ELMO1: variants seen among roughly 807,000 people sequenced by gnomAD.
ELMO1 encodes engulfment and cell motility 1, also known as engulfment and cell motility protein 1.
In ELMO1, 26 loss-of-function variants were observed where a neutral mutation model predicts 98.9. The ratio of observed to expected loss-of-function variants is 0.26; its 90% CI spans 0.19 to 0.36. The LOEUF is 0.36. ELMO1 is among the 10% of genes least tolerant of loss of function. The pLI is 1.00. For missense variants in ELMO1, 627 were observed against 935.2 expected, an observed-to-expected ratio of 0.67 and a Z score of 4.30; for synonymous variants, 346 against 346.0, an observed-to-expected ratio of 1.00 and a Z score of 0.00.
At chr7:37,335,130 G>T (rs1035977679) in intron 2 of ELMO1, among the ~76,000 whole-genome samples, 3 of 152,114 alleles carry the variant, frequency 2.0e-5, no homozygotes, top group Non-Finnish European at 4.4e-5. Flanking sequence ...CGTTACGTGT[G>T]AAATATATTA....
At position 37,067,814 on chromosome 7, in the gene ELMO1, CAT is replaced by C. The variant is rs1797065368; in HGVS notation, c.1300+28803_1300+28804del. Among the ~76,000 whole-genome samples the C allele has an allele frequency of 2.6e-5, 4 of 151,966 alleles. No individual in the cohort carries two copies. The South Asian group carries it at 8.3e-4, about 32-fold the overall frequency. ...AAAAAAAAGCTTCTTTGAAAGAACT[CAT>C]GTGGCTAATAAATGTGTTCTTGAAG... On this transcript the variant is annotated intron_variant, in intron 15 of 21. Transcript: ENST00000310758.
chr7:37,081,771 T>C (rs1051366332), intron 15 of ELMO1, among the ~76,000 whole-genome samples: 14 of 152,100 alleles, frequency 9.2e-5, no homozygotes, highest in African/African-American at 3.4e-4. Context: ...ATCAGCAGCA[T>C]GAAAATGGAC....
At chr7:37,129,126 T>C (rs1029800962) in intron 14 of ELMO1, among the ~76,000 whole-genome samples, 28 of 151,864 alleles carry the variant, frequency 1.8e-4, no homozygotes, top group Admixed American at 1.3e-3. Flanking sequence ...TGGCCTACCA[T>C]CATTTATATA....
chr7:37,309,930 A>G (rs2131071256), intron 4 of ELMO1, among the ~76,000 whole-genome samples: 1 of 152,334 alleles, frequency 6.6e-6, no homozygotes, highest in Non-Finnish European at 1.5e-5. Flanking sequence ...CCAAAGCATG[A>G]TAGTTGAACT....
At chr7:37,205,475 A>T (rs1792561251) in intron 13 of ELMO1, among the ~76,000 whole-genome samples, 1 of 152,212 alleles carries the variant, frequency 6.6e-6, no homozygotes, top group Admixed American at 6.5e-5. Flanking sequence ...TAACAAACCC[A>T]TATATTTTCG....
At chr7:36,876,942 AG>A (rs1265811844) in intron 19 of ELMO1, among the ~76,000 whole-genome samples, 3 of 152,262 alleles carry the variant, frequency 2.0e-5, no homozygotes, top group Admixed American at 2.0e-4. Context: ...GACATCACAA[AG>A]ACCAGACTGT....
chr7:37,448,345 T>TCCCGGGC, intron 1 of ELMO1, among the ~76,000 whole-genome samples: 1 of 134,624 alleles, frequency 7.4e-6, no homozygotes, highest in Non-Finnish European at 1.6e-5. Flanking sequence ...CTCGGCGGGC[T>TCCCGGGC]CCCGGGCCCC....
At chr7:37,092,288 C>A (rs1432870235) in intron 15 of ELMO1, among the ~76,000 whole-genome samples, 3 of 151,426 alleles carry the variant, frequency 2.0e-5, no homozygotes, top group Admixed American at 2.0e-4. Flanking sequence ...ATTTATGCCA[C>A]AGCACCCTCC....
chr7:37,335,922 G>C (rs1800378662), intron 2 of ELMO1, among the ~76,000 whole-genome samples: 1 of 152,082 alleles, frequency 6.6e-6, no homozygotes, highest in Non-Finnish European at 1.5e-5. Flanking sequence ...CTACACTTGG[G>C]CCATAAAGAA....
chr7:37,007,782 T>G (rs1246428474), intron 16 of ELMO1, among the ~76,000 whole-genome samples: 3 of 152,208 alleles, frequency 2.0e-5, no homozygotes, highest in Admixed American at 2.0e-4. Context: ...CTGGTGGTTA[T>G]TTCCTATGAA....
At chr7:37,350,103 G>T (rs948999289) in intron 1 of ELMO1, among the ~76,000 whole-genome samples, 2 of 152,104 alleles carry the variant, frequency 1.3e-5, no homozygotes, top group African/African-American at 4.8e-5. Flanking sequence ...TCAGGTTCCC[G>T]TATCAGGGAC....
intron 16 of ELMO1, among the ~76,000 whole-genome samples, chr7:36,944,522 GATTC>G (rs918811065): frequency 6.6e-6 from 1 of 152,176 alleles, no homozygotes; most frequent in African/African-American, 2.4e-5. Flanking sequence ...AGCAAAAGAT[GATTC>G]ATTATTTTCT....
intron 15 of ELMO1, among the ~76,000 whole-genome samples, chr7:37,036,758 G>A (rs1584546738): frequency 6.6e-6 from 1 of 152,290 alleles, no homozygotes; most frequent in Middle Eastern, 3.4e-3. Flanking sequence ...ACACATGTAG[G>A]TGCCGGAATT....
intron 18 of ELMO1, among the ~76,000 whole-genome samples, chr7:36,881,457 G>T (rs1804449892): frequency 6.6e-6 from 1 of 152,218 alleles, no homozygotes; most frequent in Non-Finnish European, 1.5e-5. Flanking sequence ...GGCGATGAAA[G>T]AGTGAATTGC....
chr7:37,315,025 G>C, intron 3 of ELMO1, 103 bp from the exon 4 acceptor site: 1 of 1,005,830 alleles, frequency 9.9e-7, no homozygotes, highest in Non-Finnish European at 1.5e-6. Flanking sequence ...GATTGGAATT[G>C]GACCAATCCC....
chr7:37,021,338 G>A (rs561715233), intron 15 of ELMO1, among the ~76,000 whole-genome samples: 1 of 152,190 alleles, frequency 6.6e-6, no homozygotes, highest in South Asian at 2.1e-4. Flanking sequence ...ATAGTCTTTT[G>A]TATCCTAAAA....
At chr7:37,032,014 C>T (rs957497894) in intron 15 of ELMO1, among the ~76,000 whole-genome samples, 3 of 152,094 alleles carry the variant, frequency 2.0e-5, no homozygotes, top group East Asian at 1.9e-4. Context: ...CACCAGGAAG[C>T]GCGCCCTTCC....
At chr7:36,887,341 G>T (rs1307324475) in intron 18 of ELMO1, among the ~76,000 whole-genome samples, 1 of 152,206 alleles carries the variant, frequency 6.6e-6, no homozygotes, top group Non-Finnish European at 1.5e-5. Flanking sequence ...GCACTAAATA[G>T]CAAAGAATGG....
At chr7:36,861,899 G>A (rs910425635) in intron 20 of ELMO1, 163 bp from the exon 21 acceptor site, 18 of 655,298 alleles carry the variant, frequency 2.7e-5, no homozygotes, top group Admixed American at 2.3e-4. Context: ...CAAGGTTCAC[G>A]GCATGATTCC....
Sources: allele counts gnomAD v4.1 joint callset (sites outside exome capture counted in the v4.1 genomes callset), GRCh38; gene constraint gnomAD v4.1.1; transcripts MANE v1.5; gene names NCBI Gene and HGNC (gene_info 2026-07-23, HGNC 2026-07-21).